The following UNC13C variants were observed in gnomAD, a reference collection of about 807,000 sequenced individuals.
UNC13C encodes protein unc-13 homolog C.
UNC13C carries 174 observed loss-of-function variants against 245.4 expected under a neutral mutation model. The ratio of observed to expected loss-of-function variants is 0.71; its 90% CI spans 0.63 to 0.80. The LOEUF (loss-of-function observed/expected upper bound fraction) is 0.80, where lower values mean the gene tolerates loss of function less well. UNC13C is among the 30% of genes least tolerant of loss of function. The pLI, the probability that UNC13C is intolerant of heterozygous loss-of-function variation, is 0.00. For missense variants in UNC13C, 2,829 were observed against 2,602.9 expected (o/e 1.09, Z -1.89); for synonymous variants, 992 against 895.1 (o/e 1.11, Z -1.93).
At chr15:54,089,056 C>T (rs181936983) in intron 2 of UNC13C, among the ~76,000 whole-genome samples, 3 of 152,238 alleles carry the variant, frequency 2.0e-5, no homozygotes, top group African/African-American at 2.4e-5. Context: ...ACATTCTTAG[C>T]GTCCCTTTTC....
At chr15:54,330,349 A>G (rs1276805733) in intron 14 of UNC13C, among the ~76,000 whole-genome samples, 1 of 152,088 alleles carries the variant, frequency 6.6e-6, no homozygotes, top group Non-Finnish European at 1.5e-5. Context: ...GCATGTGGTC[A>G]TCCTTGGAGG....
At chr15:53,917,409 A>G in the UNC13C span, among the ~76,000 whole-genome samples, 2 of 152,202 alleles carry the variant, frequency 1.3e-5, no homozygotes, top group African/African-American at 4.8e-5. Flanking sequence ...AGAAAAGGAA[A>G]AAAGAAAGTT....
intron 17 of UNC13C, among the ~76,000 whole-genome samples, chr15:54,392,309 A>T (rs982599646): frequency 7.2e-5 from 11 of 152,078 alleles, no homozygotes; most frequent in African/African-American, 2.7e-4. Context: ...GTTAACCTCA[A>T]AGTAAATCTA....
At chr15:54,468,732 C>A (rs1297589758) in intron 19 of UNC13C, among the ~76,000 whole-genome samples, 1 of 151,588 alleles carries the variant, frequency 6.6e-6, no homozygotes, top group Non-Finnish European at 1.5e-5. Flanking sequence ...TGCACTGGCG[C>A]CTTTGTCAAA....
rs565754127 is a variant in UNC13C, at chr15:54,050,370, C to G, written c.2983+34484C>G. On this transcript the variant is annotated intron_variant, in intron 2 of 32. Coordinates refer to ENST00000260323, the MANE Select transcript of UNC13C (RefSeq NM_001080534.3). ...GAATACCATTCCTCAGAAGGCACTC[C>G]TCCTTTTTCTGTACTTGATAAGTAT... 1.2e-4 allele frequency: 69 copies of G among 559,448 alleles called. No individual in the cohort carries two copies. The African/African-American group carries it at 1.2e-3, about 10-fold the overall frequency. The allele number at this position is 559,448 out of a possible 1,614,324, so 34.7% of individuals were successfully genotyped here.
At chr15:54,198,186 G>A (rs1388417877) in intron 4 of UNC13C, among the ~76,000 whole-genome samples, 2 of 152,006 alleles carry the variant, frequency 1.3e-5, no homozygotes, top group Non-Finnish European at 1.5e-5. Context: ...CCGAAGGAGG[G>A]GCTGAGCTCA....
the UNC13C span, among the ~76,000 whole-genome samples, chr15:53,936,590 G>A: frequency 6.6e-6 from 1 of 152,188 alleles, no homozygotes; most frequent in Non-Finnish European, 1.5e-5. Flanking sequence ...CCTCCCAACA[G>A]GGGTCTCCAG....
chr15:54,257,371 A>G (rs1449064035), intron 8 of UNC13C, among the ~76,000 whole-genome samples: 2 of 152,234 alleles, frequency 1.3e-5, no homozygotes. Context: ...GAGATGTAGT[A>G]CCTTTAACAT....
the UNC13C span, among the ~76,000 whole-genome samples, chr15:53,900,873 C>T: frequency 6.6e-6 from 1 of 152,000 alleles, no homozygotes; most frequent in Non-Finnish European, 1.5e-5. Context: ...CTTCATGCTC[C>T]CTGTTTTATC....
intron 22 of UNC13C, among the ~76,000 whole-genome samples, chr15:54,503,636 G>A (rs1894332074): frequency 2.0e-5 from 3 of 151,990 alleles, no homozygotes; most frequent in Admixed American, 2.0e-4. Flanking sequence ...GTTTCTCCAT[G>A]TTGGCCAGGC....
At chr15:54,305,471 G>T (rs1231897477) in intron 13 of UNC13C, among the ~76,000 whole-genome samples, 1 of 151,796 alleles carries the variant, frequency 6.6e-6, no homozygotes, top group South Asian at 2.1e-4. Context: ...TGTAACTTGA[G>T]CCCTAAGCTA....
intron 11 of UNC13C, among the ~76,000 whole-genome samples, chr15:54,297,025 C>A (rs146208109): frequency 3.3e-5 from 5 of 152,286 alleles, no homozygotes; most frequent in African/African-American, 1.2e-4. Flanking sequence ...GACTGTAGGT[C>A]TTTATAAATC....
chr15:54,032,104 A>G (rs1896381809), intron 2 of UNC13C, among the ~76,000 whole-genome samples: 1 of 152,210 alleles, frequency 6.6e-6, no homozygotes, highest in East Asian at 1.9e-4. Context: ...ATGAGGAAAT[A>G]TATGTACTTT....
Position 54,297,684 on chromosome 15 carries a change from C to T in UNC13C, c.3989-127C>T, listed in dbSNP as rs115059935. 1.1e-3 allele frequency: 765 copies of T among 698,460 alleles called. 5 individuals are homozygous for T. The African/African-American group carries it at 0.013, about 12-fold the overall frequency. The allele number at this position is 698,460 out of a possible 1,614,324, so 43.3% of individuals were successfully genotyped here. A position where few individuals can be genotyped will look rare whatever the true frequency, so the allele number is the denominator to read the frequency against. ...ATGGTTACTTAATAAGCAGCTCTGA[C>T]TCAGAAAAATAGCTTTTAGCTACTT... On this transcript the variant is annotated intron_variant, in intron 11 of 32. Coordinates refer to ENST00000260323, the MANE Select transcript of UNC13C (RefSeq NM_001080534.3).
At chr15:54,613,302 A>T (rs1251985634) in intron 30 of UNC13C, among the ~76,000 whole-genome samples, 1 of 151,970 alleles carries the variant, frequency 6.6e-6, no homozygotes, top group Non-Finnish European at 1.5e-5. Flanking sequence ...AAATACAATG[A>T]TCAAAATCCC....
chr15:54,321,687 A>C (rs1032513880), intron 13 of UNC13C: 3 of 421,518 alleles, frequency 7.1e-6, no homozygotes, highest in Non-Finnish European at 1.3e-5. Flanking sequence ...GGCAAGGGAG[A>C]CTTTAACAAT....
the UNC13C span, among the ~76,000 whole-genome samples, chr15:53,941,246 A>G: frequency 6.6e-6 from 1 of 152,326 alleles, no homozygotes; most frequent in Non-Finnish European, 1.5e-5. Context: ...CTGGCTAGCC[A>G]TATGCAGAAG....
intron 4 of UNC13C, among the ~76,000 whole-genome samples, chr15:54,234,672 C>T (rs540837958): frequency 6.6e-6 from 1 of 152,278 alleles, no homozygotes; most frequent in South Asian, 2.1e-4. Context: ...CCAGACCAAA[C>T]TTGCACCAAA....
intron 2 of UNC13C, among the ~76,000 whole-genome samples, chr15:54,060,540 C>T (rs1897768258): frequency 6.6e-6 from 1 of 152,172 alleles, no homozygotes; most frequent in Admixed American, 6.5e-5. Context: ...CTAGTTCAAC[C>T]ATTGTGGAAG....
Sources: allele counts gnomAD v4.1 joint callset (sites outside exome capture counted in the v4.1 genomes callset), GRCh38; gene constraint gnomAD v4.1.1; transcripts MANE v1.5; gene names NCBI Gene and HGNC (gene_info 2026-07-23, HGNC 2026-07-21).